The following CHRM2 variants were observed in gnomAD, a reference collection of about 807,000 sequenced individuals.
The protein encoded by CHRM2 is muscarinic acetylcholine receptor M2.
CHRM2 carries 8 observed loss-of-function variants against 25.0 expected under a neutral mutation model. The observed-to-expected ratio is 0.32, with a 90% CI of 0.19 to 0.58. CHRM2 has a LOEUF of 0.58. Ranked by LOEUF, CHRM2 falls within the 20% of genes least tolerant of loss-of-function variation. CHRM2 has a pLI of 0.88. For synonymous variants in CHRM2, 202 were observed against 205.7 expected (o/e 0.98, Z 0.15); for missense variants, 440 against 567.1 (o/e 0.78, Z 2.28).
chr7:137,000,201 T>TC (rs1158138125), intron 3 of CHRM2, among the ~76,000 whole-genome samples: 1 of 134,448 alleles, frequency 7.4e-6, no homozygotes. Flanking sequence ...TTTCTTTTTT[T>TC]TTTTTTTTTT....
intron 2 of CHRM2, among the ~76,000 whole-genome samples, chr7:136,894,736 T>C (rs1796825929): frequency 6.6e-6 from 1 of 152,202 alleles, no homozygotes. Flanking sequence ...ATGTTCTTAA[T>C]GGTTTTTAAA....
At chr7:136,879,124 C>T (rs1365917273) in intron 2 of CHRM2, among the ~76,000 whole-genome samples, 2 of 151,926 alleles carry the variant, frequency 1.3e-5, no homozygotes, top group Non-Finnish European at 2.9e-5. Context: ...TCCCTGGGAG[C>T]TCTTTCTAGG....
chr7:136,879,629 G>C (rs17494589), intron 2 of CHRM2, among the ~76,000 whole-genome samples: 37 of 151,812 alleles, frequency 2.4e-4, no homozygotes, highest in Non-Finnish European at 3.8e-4. Context: ...ATCTTTCACA[G>C]GGGAGCTGTA....
At chr7:136,998,941 G>T (rs891077988) in intron 3 of CHRM2, among the ~76,000 whole-genome samples, 3 of 152,088 alleles carry the variant, frequency 2.0e-5, no homozygotes, top group Non-Finnish European at 4.4e-5. Flanking sequence ...AGTTAATCAC[G>T]CCAAATAGGT....
At chr7:136,929,383 C>G (rs1027217356) in intron 2 of CHRM2, among the ~76,000 whole-genome samples, 2 of 151,750 alleles carry the variant, frequency 1.3e-5, no homozygotes, top group East Asian at 3.9e-4. Context: ...CTTGGCCCAC[C>G]CAAATTTTCA....
intron 2 of CHRM2, among the ~76,000 whole-genome samples, chr7:136,907,292 T>G (rs1024769979): frequency 6.6e-6 from 1 of 151,910 alleles, no homozygotes; most frequent in African/African-American, 2.4e-5. Context: ...ATTCAAAACT[T>G]TCTGTACTTC....
rs118046152 is a variant in CHRM2, at chr7:137,015,537, T to C, written c.672T>C (p.Pro224=). ...KSRIKKDKKE[P]VANQDPVSPS... ...GGATAAAGAAGGACAAGAAGGAGCC[T>C]GTTGCCAACCAAGACCCCGTTTCTC... Residue 224 remains proline (P), a synonymous_variant, in exon 4 of 4, where the codon CCT becomes CCC. Transcript: ENST00000680005. This position sits in a 1 kb window ranked among gnomAD's most constrained non-coding sequence, Gnocchi z 5.1. The C allele has an allele frequency of 6.2e-7, 1 of 1,612,970 alleles. No homozygotes were observed. The highest frequency in any genetic ancestry group is 8.5e-7 in the Non-Finnish European group (1 of 1,179,540).
intron 2 of CHRM2, among the ~76,000 whole-genome samples, chr7:136,895,219 TAA>T (rs751763854): frequency 7.9e-5 from 12 of 152,358 alleles, no homozygotes; most frequent in Admixed American, 7.2e-4. Context: ...GTGCTTCAGA[TAA>T]GTCTCATTTC....
chr7:136,986,018 T>C (rs1417735297), intron 2 of CHRM2, among the ~76,000 whole-genome samples: 2 of 152,296 alleles, frequency 1.3e-5, no homozygotes, highest in East Asian at 3.9e-4. Flanking sequence ...TGTTCTTTTT[T>C]ATATAAATGA....
intron 2 of CHRM2, among the ~76,000 whole-genome samples, chr7:136,943,660 A>G (rs988531209): frequency 6.6e-6 from 1 of 152,120 alleles, no homozygotes; most frequent in African/African-American, 2.4e-5. Context: ...GAAAAGAGTA[A>G]AAGAACTTCT....
At chr7:136,940,152 G>T (rs1158199823) in intron 2 of CHRM2, among the ~76,000 whole-genome samples, 1 of 152,178 alleles carries the variant, frequency 6.6e-6, no homozygotes, top group Non-Finnish European at 1.5e-5. Flanking sequence ...TACATTACCT[G>T]CTAAGTTTCA....
chr7:136,991,791 C>G (rs1803248866), intron 2 of CHRM2, among the ~76,000 whole-genome samples: 1 of 152,088 alleles, frequency 6.6e-6, no homozygotes, highest in South Asian at 2.1e-4. Context: ...TGAAACTTAG[C>G]AAATATACTC....
At chr7:136,879,567 C>T (rs1361234138) in intron 2 of CHRM2, among the ~76,000 whole-genome samples, 3 of 151,986 alleles carry the variant, frequency 2.0e-5, no homozygotes, top group African/African-American at 7.2e-5. Context: ...TACACTCTTA[C>T]ATTTCAATAT....
At chr7:136,874,413 T>C (rs1421362159) in intron 2 of CHRM2, among the ~76,000 whole-genome samples, 2 of 152,122 alleles carry the variant, frequency 1.3e-5, no homozygotes, top group Non-Finnish European at 2.9e-5. Flanking sequence ...AAATATACAA[T>C]CATCTTAACT....
chr7:136,942,393 G>T (rs1799825146), intron 2 of CHRM2, among the ~76,000 whole-genome samples: 1 of 152,130 alleles, frequency 6.6e-6, no homozygotes, highest in Admixed American at 6.5e-5. Flanking sequence ...CCCTTAGGAA[G>T]TGCTTCTGGC....
intron 2 of CHRM2, among the ~76,000 whole-genome samples, chr7:136,922,194 G>A (rs991069574): frequency 2.6e-5 from 4 of 152,152 alleles, no homozygotes; most frequent in Non-Finnish European, 4.4e-5. Flanking sequence ...AGCAACTTTG[G>A]TGTCATCCTT....
chr7:136,966,819 G>T (rs1463152635), intron 2 of CHRM2, among the ~76,000 whole-genome samples: 1 of 151,490 alleles, frequency 6.6e-6, no homozygotes, highest in Non-Finnish European at 1.5e-5. Context: ...ATGTATTGAT[G>T]TGTCTATGGA....
intron 2 of CHRM2, among the ~76,000 whole-genome samples, chr7:136,927,319 C>T (rs947374577): frequency 1.3e-5 from 2 of 152,052 alleles, no homozygotes; most frequent in East Asian, 1.9e-4. Context: ...GTGCTAGGAG[C>T]GAACCAAGTG....
chr7:136,879,019 G>C (rs753400224), intron 2 of CHRM2, among the ~76,000 whole-genome samples: 6 of 151,888 alleles, frequency 4.0e-5, no homozygotes, highest in Non-Finnish European at 5.9e-5. Context: ...CATGGTAAAG[G>C]AATCAGTCTT....
Sources: allele counts gnomAD v4.1 joint callset (sites outside exome capture counted in the v4.1 genomes callset), GRCh38; gene constraint gnomAD v4.1.1; non-coding constraint Gnocchi (gnomAD v3.1); transcripts MANE v1.5; gene names NCBI Gene and HGNC (gene_info 2026-07-23, HGNC 2026-07-21).